The following CLASP1 variants were observed in gnomAD, a reference collection of about 807,000 sequenced individuals.
CLASP1 encodes the protein cytoplasmic linker associated protein 1.
Under a neutral mutation model 192.3 loss-of-function variants are expected in CLASP1, and 38 were observed. That is an observed-to-expected ratio of 0.20 (90% CI 0.15 to 0.26). The LOEUF (loss-of-function observed/expected upper bound fraction) is 0.26. Ranked by LOEUF, CLASP1 falls within the 10% of genes least tolerant of loss-of-function variation. CLASP1 has a pLI of 1.00. For synonymous variants in CLASP1, 691 were observed against 712.8 expected, an observed-to-expected ratio of 0.97 and a Z score of 0.49; for missense variants, 1,433 against 1,932.5, an observed-to-expected ratio of 0.74 and a Z score of 4.85.
intron 8 of CLASP1, among the ~76,000 whole-genome samples, chr2:121,477,724 G>T (rs1256929004): frequency 1.3e-5 from 2 of 152,060 alleles, no homozygotes; most frequent in African/African-American, 4.8e-5. Context: ...TCTATTTATT[G>T]ATATTGAATT....
At chr2:121,390,032 G>C (rs2074072769) in intron 30 of CLASP1, among the ~76,000 whole-genome samples, 1 of 152,142 alleles carries the variant, frequency 6.6e-6, no homozygotes, top group African/African-American at 2.4e-5. Flanking sequence ...ATGCCATAGT[G>C]CCGGGCCCAA....
chr2:121,352,236 T>C (rs1295933089), intron 37 of CLASP1, among the ~76,000 whole-genome samples: 1 of 152,230 alleles, frequency 6.6e-6, no homozygotes, highest in Non-Finnish European at 1.5e-5. Context: ...CCCTCGGCCA[T>C]GCACAGCCGG....
intron 8 of CLASP1, among the ~76,000 whole-genome samples, chr2:121,496,944 CCAT>C (rs2093558923): frequency 6.6e-6 from 1 of 152,046 alleles, no homozygotes; most frequent in Non-Finnish European, 1.5e-5. Flanking sequence ...GAACTAGAGG[CCAT>C]CATATTATAT....
At chr2:121,453,553 C>A (rs556454949) in intron 14 of CLASP1, among the ~76,000 whole-genome samples, 5 of 152,286 alleles carry the variant, frequency 3.3e-5, no homozygotes, top group Non-Finnish European at 5.9e-5. Context: ...CTCACCATCA[C>A]CCTCCCCATT....
At chr2:121,367,288 T>A (rs1009106985) in intron 35 of CLASP1, among the ~76,000 whole-genome samples, 3 of 152,230 alleles carry the variant, frequency 2.0e-5, no homozygotes, top group Non-Finnish European at 4.4e-5. Flanking sequence ...CAGCAAAACC[T>A]TCCTGATGGT....
At chr2:121,391,022 G>A (rs375669547) in intron 30 of CLASP1, among the ~76,000 whole-genome samples, 3 of 152,150 alleles carry the variant, frequency 2.0e-5, no homozygotes, top group African/African-American at 7.2e-5. Flanking sequence ...AAACATGGTA[G>A]TGGTTGACAT....
At chr2:121,445,409 C>T in intron 19 of CLASP1, 1 of 1,259,092 alleles carries the variant, frequency 7.9e-7, no homozygotes, top group Non-Finnish European at 1.0e-6. Flanking sequence ...ATGCCTATCC[C>T]AACTACACGT....
chr2:121,428,135 T>C (rs1455192485), intron 20 of CLASP1, among the ~76,000 whole-genome samples: 2 of 152,206 alleles, frequency 1.3e-5, no homozygotes, highest in East Asian at 1.9e-4. Context: ...ACAGTATTTT[T>C]ATAAGACTGA....
chr2:121,424,920 G>A (rs1375269372), intron 22 of CLASP1, among the ~76,000 whole-genome samples: 1 of 152,116 alleles, frequency 6.6e-6, no homozygotes, highest in African/African-American at 2.4e-5. Context: ...AGCCTACAAT[G>A]ACATAATTCC....
chr2:121,539,917 C>T (rs985977076), intron 2 of CLASP1, among the ~76,000 whole-genome samples: 2 of 152,220 alleles, frequency 1.3e-5, no homozygotes, highest in African/African-American at 4.8e-5. Context: ...CACTACCGCA[C>T]ACTCACAATG....
chr2:121,594,001 T>C (rs1385679482), intron 2 of CLASP1, among the ~76,000 whole-genome samples: 2 of 114,118 alleles, frequency 1.8e-5, no homozygotes, highest in Non-Finnish European at 1.7e-5. Flanking sequence ...AGAGCAAAAC[T>C]CCGTCTCAAA....
intron 1 of CLASP1, among the ~76,000 whole-genome samples, chr2:121,628,491 C>T (rs944547880): frequency 1.3e-5 from 2 of 152,000 alleles, no homozygotes; most frequent in South Asian, 4.1e-4. Flanking sequence ...GCCTTGCCAA[C>T]ATGGTGAAAC....
At chr2:121,590,777 C>T (rs913987176) in intron 2 of CLASP1, among the ~76,000 whole-genome samples, 3 of 151,926 alleles carry the variant, frequency 2.0e-5, no homozygotes, top group African/African-American at 4.8e-5. Context: ...TCACAAAGAA[C>T]ATAAGCTTAG....
At chr2:121,496,231 C>T (rs1249003585) in intron 8 of CLASP1, among the ~76,000 whole-genome samples, 1 of 152,204 alleles carries the variant, frequency 6.6e-6, no homozygotes, top group African/African-American at 2.4e-5. Flanking sequence ...GCTAAATTTT[C>T]ACAAATGGGA....
intron 2 of CLASP1, among the ~76,000 whole-genome samples, chr2:121,538,784 C>CAAAA (rs201663446): frequency 9.4e-6 from 1 of 106,306 alleles, no homozygotes; most frequent in African/African-American, 3.6e-5. Flanking sequence ...GACTCAGTCT[C>CAAAA]AAAAAAAAAA....
chr2:121,418,705 G>T (rs759507537), exon 23 of CLASP1: 19 of 1,613,652 alleles, frequency 1.2e-5, no homozygotes, highest in Non-Finnish European at 1.6e-5. Flanking sequence ...ACTCATGCTG[G>T]GTCGAGGGAT....
chr2:121,554,275 G>A (rs1304872581), intron 2 of CLASP1, among the ~76,000 whole-genome samples: 3 of 151,892 alleles, frequency 2.0e-5, no homozygotes, highest in Non-Finnish European at 4.4e-5. Context: ...ATTGACACAT[G>A]CTATGACATA....
At chr2:121,447,147 A>G (rs1365055845) in intron 19 of CLASP1, among the ~76,000 whole-genome samples, 190 bp downstream of exon 19, 1 of 152,218 alleles carries the variant, frequency 6.6e-6, no homozygotes, top group Non-Finnish European at 1.5e-5. Context: ...CGGATGATGC[A>G]TCGAAGAAAG....
At chr2:121,512,410 T>A (rs886320191) in intron 7 of CLASP1, among the ~76,000 whole-genome samples, 3 of 152,206 alleles carry the variant, frequency 2.0e-5, no homozygotes, top group Non-Finnish European at 4.4e-5. Context: ...CTACATGATA[T>A]CTTATGATGG....
Sources: allele counts gnomAD v4.1 joint callset (sites outside exome capture counted in the v4.1 genomes callset), GRCh38; gene constraint gnomAD v4.1.1; transcripts MANE v1.5; gene names NCBI Gene and HGNC (gene_info 2026-07-23, HGNC 2026-07-21).